The following HS3ST4 variants were observed in gnomAD, a reference collection of about 807,000 sequenced individuals.
HS3ST4 encodes the protein heparan sulfate glucosamine 3-O-sulfotransferase 4.
HS3ST4 carries 17 observed loss-of-function variants against 29.2 expected under a neutral mutation model. That is an observed-to-expected ratio of 0.58 (90% CI 0.40 to 0.87). The LOEUF (loss-of-function observed/expected upper bound fraction) is 0.87. HS3ST4 is among the 40% of genes least tolerant of loss of function. The probability of loss-of-function intolerance (pLI) is 0.00; values close to 1 mark genes in which losing one functional copy is unlikely to be tolerated. For synonymous variants in HS3ST4, 314 were observed against 285.7 expected (o/e 1.10, Z -1.00); for missense variants, 627 against 634.5 (o/e 0.99, Z 0.13).
intron 1 of HS3ST4, among the ~76,000 whole-genome samples, chr16:25,971,221 A>G (rs149950439): frequency 4.7e-4 from 71 of 151,908 alleles, no homozygotes; most frequent in African/African-American, 1.6e-3. Flanking sequence ...TAATACCAAC[A>G]TTTGTTACTT....
At chr16:26,093,283 C>T (rs1050733656) in intron 1 of HS3ST4, among the ~76,000 whole-genome samples, 4 of 152,028 alleles carry the variant, frequency 2.6e-5, no homozygotes, top group African/African-American at 4.8e-5. Flanking sequence ...CAGACTGCCT[C>T]CTCAAGTGGG....
chr16:25,839,755 G>A (rs1012051628), intron 1 of HS3ST4, among the ~76,000 whole-genome samples: 4 of 152,102 alleles, frequency 2.6e-5, no homozygotes, highest in Non-Finnish European at 5.9e-5. Flanking sequence ...GAGGCTCTAG[G>A]ATGGATTTTT....
Position 25,692,697 on chromosome 16 carries a change from C to G in HS3ST4, c.280C>G (p.Pro94Ala). 2.4e-6 allele frequency: 3 copies of G among 1,230,454 alleles called. No individual in the cohort carries two copies. The highest frequency in any genetic ancestry group is 3.0e-6 in the Non-Finnish European group (3 of 988,956). The allele number at this position is 1,230,454 out of a possible 1,614,324, so 76.2% of individuals were successfully genotyped here. Reference protein sequence around the residue: ...LLPTPVRLGAPSQPPAPPPLD... With the variant: ...LLPTPVRLGAASQPPAPPPLD... ...GCCTACCCCCGTGCGCCTCGGCGCC[C>G]CCTCGCAGCCGCCCGCGCCGCCGCC... Residue 94 changes from proline (P) to alanine (A), a missense_variant, in exon 1 of 2, where the codon CCC (proline) becomes GCC (alanine). Pro to Ala is a conservative substitution (Grantham distance 27). This residue lies in a region of HS3ST4 where 402 missense variants were observed against 340.8 expected (regional missense o/e 1.18). Coordinates refer to ENST00000331351, the MANE Select transcript of HS3ST4 (RefSeq NM_006040.3).
At chr16:25,716,129 A>G (rs2141587253) in intron 1 of HS3ST4, among the ~76,000 whole-genome samples, 1 of 152,340 alleles carries the variant, frequency 6.6e-6, no homozygotes, top group African/African-American at 2.4e-5. Flanking sequence ...CGCTTACTGC[A>G]ACAAGATGAG....
At chr16:25,830,963 G>A (rs1335748195) in intron 1 of HS3ST4, among the ~76,000 whole-genome samples, 1 of 152,058 alleles carries the variant, frequency 6.6e-6, no homozygotes, top group Admixed American at 6.5e-5. Context: ...CCATATTGTG[G>A]CCTCCAGGAC....
At chr16:25,868,649 A>G (rs1967719675) in intron 1 of HS3ST4, among the ~76,000 whole-genome samples, 1 of 152,230 alleles carries the variant, frequency 6.6e-6, no homozygotes, top group Admixed American at 6.5e-5. Flanking sequence ...TCCCTCCAGC[A>G]GCTAAACTCC....
At chr16:26,080,836 T>A (rs908339084) in intron 1 of HS3ST4, among the ~76,000 whole-genome samples, 1 of 152,112 alleles carries the variant, frequency 6.6e-6, no homozygotes. Flanking sequence ...CTGATCAGGT[T>A]TGCTTTAGTG....
intron 1 of HS3ST4, among the ~76,000 whole-genome samples, chr16:25,937,587 T>C (rs1050231881): frequency 3.9e-5 from 6 of 152,094 alleles, no homozygotes; most frequent in Non-Finnish European, 8.8e-5. Context: ...TCACTGGTTT[T>C]GTAGAGTGTC....
intron 1 of HS3ST4, among the ~76,000 whole-genome samples, chr16:26,048,314 T>G (rs896195689): frequency 2.0e-5 from 3 of 152,200 alleles, no homozygotes; most frequent in Admixed American, 6.5e-5. Flanking sequence ...TCTATAATAG[T>G]CTAGAGCCAA....
chr16:25,925,745 G>A (rs1968395779), intron 1 of HS3ST4, among the ~76,000 whole-genome samples: 1 of 152,190 alleles, frequency 6.6e-6, no homozygotes, highest in African/African-American at 2.4e-5. Flanking sequence ...TAGCACAGGA[G>A]ATAGAATCTA....
intron 1 of HS3ST4, among the ~76,000 whole-genome samples, chr16:26,115,002 A>G (rs996399748): frequency 2.6e-5 from 4 of 152,174 alleles, no homozygotes; most frequent in Non-Finnish European, 5.9e-5. Context: ...AGCTAAATAT[A>G]AATGGCAATG....
chr16:26,055,508 T>A (rs115783312), intron 1 of HS3ST4, among the ~76,000 whole-genome samples: 1,540 of 152,212 alleles, frequency 0.01, 34 homozygotes, highest in African/African-American at 0.035. Flanking sequence ...AGGGAAGATG[T>A]CACATGCACC....
At chr16:26,119,408 C>A (rs536087272) in intron 1 of HS3ST4, among the ~76,000 whole-genome samples, 22 of 152,276 alleles carry the variant, frequency 1.4e-4, no homozygotes, top group African/African-American at 5.3e-4. Context: ...AAATAGAGGC[C>A]ACAGACAGAC....
intron 1 of HS3ST4, among the ~76,000 whole-genome samples, chr16:26,128,770 T>C (rs1478592014): frequency 6.6e-6 from 1 of 152,168 alleles, no homozygotes; most frequent in Non-Finnish European, 1.5e-5. Flanking sequence ...TTGTGAGACT[T>C]AACTAGGATA....
At chr16:25,915,199 A>G (rs1968280425) in intron 1 of HS3ST4, among the ~76,000 whole-genome samples, 1 of 152,146 alleles carries the variant, frequency 6.6e-6, no homozygotes, top group African/African-American at 2.4e-5. Flanking sequence ...TATTCACTTC[A>G]CGGAAGCCCA....
chr16:26,035,089 A>G (rs1969570902), intron 1 of HS3ST4, among the ~76,000 whole-genome samples: 2 of 152,254 alleles, frequency 1.3e-5, no homozygotes, highest in Admixed American at 6.5e-5. Flanking sequence ...GAACAATTTT[A>G]ATGAACTCAA....
chr16:25,833,897 A>G (rs1222282735), intron 1 of HS3ST4, among the ~76,000 whole-genome samples: 4 of 152,250 alleles, frequency 2.6e-5, no homozygotes, highest in African/African-American at 9.6e-5. Flanking sequence ...AGAATGTTGT[A>G]GGAGAATCCA....
chr16:25,850,149 A>C (rs770517937), intron 1 of HS3ST4, among the ~76,000 whole-genome samples: 2 of 151,760 alleles, frequency 1.3e-5, no homozygotes, highest in Admixed American at 6.6e-5. Context: ...ACAGGCATGC[A>C]CCACCATGCC....
rs144721850 is a variant in HS3ST4 at position 25,907,282 on chromosome 16, G to A, written c.734+214131G>A. Among the ~76,000 whole-genome samples the A allele has an allele frequency of 1.3e-3, 202 of 152,282 alleles. 3 individuals carry two copies. Among genetic ancestry groups the A allele is most frequent in the African/African-American group, 4.5e-3 (189 of 41,572 alleles). Reference sequence around the variant, plus strand: ...AAGACCATGATGGAAGAGATGAAAAGACTGAGACTTGATGGCTAATTCCAG... The same window carrying A: ...AAGACCATGATGGAAGAGATGAAAAAACTGAGACTTGATGGCTAATTCCAG... On this transcript the variant is annotated intron_variant, in intron 1 of 1. Transcript: ENST00000331351.
Sources: allele counts gnomAD v4.1 joint callset (sites outside exome capture counted in the v4.1 genomes callset), GRCh38; gene constraint gnomAD v4.1.1; regional missense constraint gnomAD v4.1.1; transcripts MANE v1.5; gene names NCBI Gene and HGNC (gene_info 2026-07-23, HGNC 2026-07-21).